Variants in FRMPD4 observed in about 807,000 individuals in gnomAD.
FRMPD4 encodes FERM and PDZ domain-containing protein 4.
Under a neutral mutation model 94.1 loss-of-function variants are expected in FRMPD4, and 22 were observed. The observed-to-expected ratio is 0.23, with a 90% CI of 0.17 to 0.33. The LOEUF (loss-of-function observed/expected upper bound fraction) is 0.33. Among genes scored for constraint, FRMPD4 ranks in the 10% least tolerant of loss-of-function variants. The pLI is 1.00. For missense variants in FRMPD4, 1,111 were observed against 1,339.9 expected (o/e 0.83, Z 2.67); for synonymous variants, 631 against 548.6 (o/e 1.15, Z -2.10).
At chrX:12,194,243 C>T (rs1462726328) in intron 1 of FRMPD4, among the ~76,000 whole-genome samples, 2 of 110,882 alleles carry the variant, frequency 1.8e-5, no homozygotes, top group African/African-American at 6.6e-5. Context: ...TTTCTCATAC[C>T]CTTATGCTAA....
intron 1 of FRMPD4, among the ~76,000 whole-genome samples, chrX:12,313,061 A>G (rs980458443): frequency 9.0e-6 from 1 of 111,585 alleles, no homozygotes; most frequent in African/African-American, 3.3e-5. Flanking sequence ...AAGTGCTTAT[A>G]TTTCATTAGG....
intron 2 of FRMPD4, among the ~76,000 whole-genome samples, chrX:12,571,752 T>C (rs893664265): frequency 1.8e-5 from 2 of 112,155 alleles, no homozygotes; most frequent in Non-Finnish European, 3.8e-5. Flanking sequence ...TTGGAAGACT[T>C]TGAAAAGGAG....
intron 3 of FRMPD4, among the ~76,000 whole-genome samples, chrX:12,023,569 A>G (rs1000750552): frequency 8.9e-5 from 10 of 111,930 alleles, no homozygotes; most frequent in Non-Finnish European, 1.9e-4. Context: ...TCATGAAGCC[A>G]TGGGCTTTTT....
intron 1 of FRMPD4, among the ~76,000 whole-genome samples, chrX:12,237,728 A>G (rs1328410131): frequency 1.8e-5 from 2 of 112,187 alleles, no homozygotes; most frequent in African/African-American, 3.2e-5. Flanking sequence ...TTGAAAGTCC[A>G]GTTTTGAAGA....
intron 1 of FRMPD4, among the ~76,000 whole-genome samples, chrX:12,185,793 A>G (rs1454457208): frequency 9.0e-6 from 1 of 111,689 alleles, no homozygotes; most frequent in Non-Finnish European, 1.9e-5. Context: ...ATATCATTGT[A>G]ACTTTATTGC....
intron 1 of FRMPD4, among the ~76,000 whole-genome samples, chrX:12,427,906 T>C (rs1223171362): frequency 6.5e-4 from 45 of 69,539 alleles, no homozygotes; most frequent in South Asian, 2.5e-3. Context: ...TCTTTTTTTT[T>C]TTTTTTTTTT....
chrX:12,391,079 C>T (rs186616381), intron 1 of FRMPD4, among the ~76,000 whole-genome samples: 118 of 111,922 alleles, frequency 1.1e-3, no homozygotes, highest in Non-Finnish European at 1.0e-3. Context: ...AACATAGGAT[C>T]ATAAACTTCT....
At chrX:11,842,965 C>T (rs1362705538) in intron 1 of FRMPD4, among the ~76,000 whole-genome samples, 7 of 111,702 alleles carry the variant, frequency 6.3e-5, no homozygotes, top group Admixed American at 2.9e-4. Flanking sequence ...AATTCAACAA[C>T]GCTTCATGCT....
chrX:12,305,989 TTAA>T (rs987724833), intron 1 of FRMPD4, among the ~76,000 whole-genome samples: 1 of 107,157 alleles, frequency 9.3e-6, no homozygotes, highest in African/African-American at 3.4e-5. Context: ...AGATGCAAAC[TTAA>T]GACCCTAACC....
At chrX:12,002,492 A>T (rs916077679) in intron 3 of FRMPD4, among the ~76,000 whole-genome samples, 1 of 112,363 alleles carries the variant, frequency 8.9e-6, no homozygotes, top group Non-Finnish European at 1.9e-5. Flanking sequence ...TTAGAAGTCA[A>T]AGGTGACCAA....
At chrX:12,631,859 G>C (rs768713246) in intron 4 of FRMPD4, among the ~76,000 whole-genome samples, 1 of 111,868 alleles carries the variant, frequency 8.9e-6, no homozygotes, top group South Asian at 3.8e-4. Flanking sequence ...ATGAAATGAA[G>C]TATTTGCTAA....
At chrX:12,594,688 G>A (rs1322675833) in intron 2 of FRMPD4, among the ~76,000 whole-genome samples, 1 of 111,035 alleles carries the variant, frequency 9.0e-6, no homozygotes, top group East Asian at 2.8e-4. Flanking sequence ...GCCCACCTCG[G>A]CCTCCCAAAG....
At chrX:12,021,702 C>G (rs2054632987) in intron 3 of FRMPD4, among the ~76,000 whole-genome samples, 1 of 111,422 alleles carries the variant, frequency 9.0e-6, no homozygotes, top group African/African-American at 3.3e-5. Context: ...AATTTTGACC[C>G]TGGAAATTTA....
At chrX:11,899,965 G>A (rs748980384) in intron 3 of FRMPD4, among the ~76,000 whole-genome samples, 5 of 111,601 alleles carry the variant, frequency 4.5e-5, no homozygotes, top group Admixed American at 9.5e-5. Context: ...AGATTTGGTC[G>A]CTCTACACAG....
Position 12,418,563 on chromosome X carries a change from TTG to T in FRMPD4, c.42-80116_42-80115del, listed in dbSNP as rs1472898284. Among the ~76,000 whole-genome samples, 8 of 109,310 alleles carry T rather than the reference TTG, an allele frequency of 7.3e-5. No homozygotes were observed. The South Asian group carries it at 2.0e-3, about 28-fold the overall frequency. The allele number at this position is 109,310 out of a possible 115,157, so 94.9% of individuals were successfully genotyped here. ...TTAGTAGAGATGGGGTTTCACCATGTTGGTCAGGCTGGTCTCGAACTCCCGAC... is the reference window on the plus strand; with the variant it reads ...TTAGTAGAGATGGGGTTTCACCATGTGTCAGGCTGGTCTCGAACTCCCGAC... On this transcript the variant is annotated intron_variant, in intron 1 of 16. Transcript: ENST00000675598.
At chrX:12,212,887 A>G (rs2056769010) in intron 1 of FRMPD4, among the ~76,000 whole-genome samples, 2 of 111,767 alleles carry the variant, frequency 1.8e-5, no homozygotes, top group African/African-American at 6.5e-5. Context: ...TGTTTTGTGC[A>G]TCAGTTCTTT....
At chrX:12,476,000 T>G (rs1251474643) in intron 1 of FRMPD4, among the ~76,000 whole-genome samples, 4 of 111,540 alleles carry the variant, frequency 3.6e-5, no homozygotes, top group Non-Finnish European at 5.7e-5. Context: ...GAGCCCGCAT[T>G]GCCAAGTCAA....
At chrX:12,487,800 G>T (rs2057754341) in intron 1 of FRMPD4, among the ~76,000 whole-genome samples, 1 of 111,762 alleles carries the variant, frequency 8.9e-6, no homozygotes, top group Admixed American at 9.5e-5. Flanking sequence ...GGGATACCAT[G>T]GAAATGCATG....
chrX:12,697,496 T>C (rs2060145291), intron 9 of FRMPD4, among the ~76,000 whole-genome samples: 1 of 112,529 alleles, frequency 8.9e-6, no homozygotes. Flanking sequence ...TTTAAAACTA[T>C]TTTACTCTGC....
Sources: gnomAD v4.1 joint callset for allele counts (sites outside exome capture counted in the v4.1 genomes callset) on GRCh38, gnomAD v4.1.1 for gene constraint, MANE v1.5 for transcripts, NCBI Gene and HGNC (gene_info 2026-07-23, HGNC 2026-07-21) for gene names.